The following DCLK2 variants were observed in gnomAD, a reference collection of about 807,000 sequenced individuals.
The protein encoded by DCLK2 is serine/threonine-protein kinase DCLK2.
DCLK2 carries 31 observed loss-of-function variants against 78.4 expected under a neutral mutation model. The observed-to-expected ratio is 0.40, with a 90% confidence interval of 0.30 to 0.53. The LOEUF is 0.53. Among genes scored for constraint, DCLK2 ranks in the 20% least tolerant of loss-of-function variants. DCLK2 has a pLI of 0.61. For missense variants in DCLK2, 872 were observed against 973.7 expected (o/e 0.90, Z 1.39); for synonymous variants, 407 against 374.9 (o/e 1.09, Z -0.99).
At position 150,249,654 on chromosome 4, in the gene DCLK2, C is replaced by G. The variant is rs2126629664; in HGVS notation, c.2043C>G (p.Asn681Lys). 6.2e-7 allele frequency: 1 copy of G among 1,613,652 alleles called. No homozygotes were observed. Among genetic ancestry groups the G allele is most frequent in the Non-Finnish European group, 8.5e-7 (1 of 1,179,942 alleles). ...TTAATAATGCGCTCCCCAAACAGAA[C>G]AGCACTACCACCGGGGTCTCCGTCA... ...QHFNNALPKQ[N>K]STTTGVSVIM... The change falls in exon 15 of 16, where the codon AAC (asparagine) becomes AAG (lysine). Residue 681 changes from asparagine to lysine, a missense_variant. Transcript: ENST00000296550.
chr4:150,182,445 T>G (rs573589417), intron 2 of DCLK2, among the ~76,000 whole-genome samples: 1 of 152,272 alleles, frequency 6.6e-6, no homozygotes, highest in Non-Finnish European at 1.5e-5. Flanking sequence ...TTAGTTACAA[T>G]GTAGTTAATT....
At chr4:150,154,178 G>A (rs756138891) in intron 2 of DCLK2, among the ~76,000 whole-genome samples, 1 of 152,098 alleles carries the variant, frequency 6.6e-6, no homozygotes, top group East Asian at 1.9e-4. Context: ...GGTTCATAAG[G>A]GCTCCTCATC....
chr4:150,133,021 A>G (rs2150200468), intron 2 of DCLK2, among the ~76,000 whole-genome samples: 1 of 152,348 alleles, frequency 6.6e-6, no homozygotes. Context: ...ATTGATTAAC[A>G]TTGAATTCAT....
intron 5 of DCLK2, among the ~76,000 whole-genome samples, chr4:150,212,966 C>T (rs567543139): frequency 4.6e-5 from 7 of 152,304 alleles, no homozygotes; most frequent in East Asian, 1.9e-4. Context: ...GCAGACACCT[C>T]TCTCATCACC....
At position 150,167,633 on chromosome 4, in the gene DCLK2, T is replaced by C. The variant is rs1363911107; in HGVS notation, c.757-25505T>C. On this transcript the variant is annotated intron_variant, in intron 2 of 15. Transcript: ENST00000296550. ...AGGCATGAGCAGGGCAAGAGATGGC[T>C]CTCCCCAACCTCCACCAGGAGTGTC... Among the ~76,000 whole-genome samples, 11 of 152,108 alleles carry C rather than the reference T, an allele frequency of 7.2e-5. 1 individual carries two copies. The East Asian group carries it at 2.1e-3, about 30-fold the overall frequency.
intron 1 of DCLK2, among the ~76,000 whole-genome samples, chr4:150,089,932 C>T (rs750310094): frequency 1.3e-5 from 2 of 152,156 alleles, no homozygotes; most frequent in South Asian, 4.1e-4. Flanking sequence ...AAAATTTTGT[C>T]CTCTCGCCTT....
At chr4:150,139,196 T>C (rs1733937015) in intron 2 of DCLK2, among the ~76,000 whole-genome samples, 1 of 152,162 alleles carries the variant, frequency 6.6e-6, no homozygotes, top group African/African-American at 2.4e-5. Flanking sequence ...GTGAGAATTA[T>C]TTTACAAATA....
intron 1 of DCLK2, among the ~76,000 whole-genome samples, chr4:150,084,787 G>T (rs1175551863): frequency 6.6e-6 from 1 of 152,178 alleles, no homozygotes; most frequent in East Asian, 1.9e-4. Flanking sequence ...TTTCTTCATT[G>T]CTCGTGAGGC....
intron 2 of DCLK2, among the ~76,000 whole-genome samples, chr4:150,172,578 G>A (rs1446420136): frequency 1.5e-5 from 2 of 131,872 alleles, no homozygotes. Context: ...CTGCACTCCA[G>A]CCTGGGGCAA....
chr4:150,085,547 C>A (rs1481645989), intron 1 of DCLK2, among the ~76,000 whole-genome samples: 1 of 152,168 alleles, frequency 6.6e-6, no homozygotes, highest in Non-Finnish European at 1.5e-5. Flanking sequence ...TTCAAGGCCT[C>A]ACTTGTTAAT....
intron 2 of DCLK2, among the ~76,000 whole-genome samples, chr4:150,154,684 A>G (rs994742004): frequency 2.0e-5 from 3 of 152,204 alleles, no homozygotes. Context: ...ATGTACAGAA[A>G]TGGAAGTGGG....
chr4:150,211,994 C>A (rs1227480467), intron 5 of DCLK2, among the ~76,000 whole-genome samples: 1 of 152,146 alleles, frequency 6.6e-6, no homozygotes, highest in Non-Finnish European at 1.5e-5. Flanking sequence ...TTTCCCTGAA[C>A]TTTAATTCAT....
Position 150,175,054 on chromosome 4 carries a change from A to ATATATATATT in DCLK2, c.757-18066_757-18057dup, listed in dbSNP as rs1553964206. On this transcript the variant is annotated intron_variant, in intron 2 of 15. Coordinates refer to ENST00000296550, the MANE Select transcript of DCLK2 (RefSeq NM_001040260.4). ...TATATTTATATATATTTATATATTT[A>ATATATATATT]TATATATATTTATATATATTTATAT... is the stretch of plus-strand genomic sequence containing the variant. Among the ~76,000 whole-genome samples, 8 of 27,812 alleles carry ATATATATATT rather than the reference A, an allele frequency of 2.9e-4. 2 individuals carry two copies. Among genetic ancestry groups the ATATATATATT allele is most frequent in the African/African-American group, 8.9e-4 (8 of 9,036 alleles). 18.2% of individuals were successfully genotyped at this position (27,812 alleles called of 152,430 possible). A position where few individuals can be genotyped will look rare whatever the true frequency, so the allele number is the denominator to read the frequency against.
Position 150,078,930 on chromosome 4 carries a change from C to A in DCLK2, c.-98C>A. 2 of 1,377,402 alleles carry A rather than the reference C, an allele frequency of 1.5e-6. No homozygotes were observed. The highest frequency in any genetic ancestry group is 1.9e-6 in the Non-Finnish European group (2 of 1,051,882). 85.3% of individuals were successfully genotyped at this position (1,377,402 alleles called of 1,614,324 possible). A position where few individuals can be genotyped will look rare whatever the true frequency, so the allele number is the denominator to read the frequency against. On this transcript the variant is annotated 5_prime_UTR_variant, in exon 1 of 16. Coordinates refer to ENST00000296550, the MANE Select transcript of DCLK2 (RefSeq NM_001040260.4). ...GGGATGCCAGAGCCAGGTGTCCCGG[C>A]GCGTTAAGGGCCCTCGCAGTCAGAC...
intron 15 of DCLK2, chr4:150,253,518 C>T (rs1160855539): frequency 7.8e-7 from 1 of 1,289,684 alleles, no homozygotes. Flanking sequence ...TCCTTCTTTA[C>T]CCCGCTGAGA....
Position 150,197,986 on chromosome 4 carries a change from T to C in DCLK2, c.860-16T>C. Reference sequence around the variant, plus strand: ...TTAAAACCAGATTTAGTTAATGCACTTTTGTTCTTTTCTAGAATGTCGTGT... The same window carrying C: ...TTAAAACCAGATTTAGTTAATGCACCTTTGTTCTTTTCTAGAATGTCGTGT... On this transcript the variant is annotated splice_polypyrimidine_tract_variant and intron_variant, in intron 3 of 15. Transcript: ENST00000296550. 2 of 1,601,532 alleles carry C rather than the reference T, an allele frequency of 1.2e-6. No individual in the cohort carries two copies. Among genetic ancestry groups the C allele is most frequent in the Non-Finnish European group, 1.7e-6 (2 of 1,175,514 alleles).
intron 10 of DCLK2, among the ~76,000 whole-genome samples, chr4:150,239,444 A>T (rs568119697): frequency 6.6e-6 from 1 of 152,200 alleles, no homozygotes; most frequent in South Asian, 2.1e-4. Flanking sequence ...CAAAAAATAA[A>T]GAAATTAGCC....
chr4:150,148,402 T>C (rs1049802348), intron 2 of DCLK2, among the ~76,000 whole-genome samples: 1 of 146,812 alleles, frequency 6.8e-6, no homozygotes, highest in Non-Finnish European at 1.5e-5. Context: ...TTTATGTTTT[T>C]AAAAATGGAG....
intron 2 of DCLK2, among the ~76,000 whole-genome samples, chr4:150,185,738 A>T (rs1485856294): frequency 4.6e-5 from 7 of 152,190 alleles, no homozygotes; most frequent in South Asian, 2.1e-4. Flanking sequence ...ATTAATTAAT[A>T]AATCAGACCT....
Sources: gnomAD v4.1 joint callset for allele counts (sites outside exome capture counted in the v4.1 genomes callset) on GRCh38, gnomAD v4.1.1 for gene constraint, MANE v1.5 for transcripts, NCBI Gene and HGNC (gene_info 2026-07-23, HGNC 2026-07-21) for gene names.